EEA1: variants seen among roughly 807,000 people sequenced by gnomAD.
EEA1 encodes the protein early endosome antigen 1.
Under a neutral mutation model 209.2 loss-of-function variants are expected in EEA1, and 111 were observed. The ratio of observed to expected loss-of-function variants is 0.53; its 90% CI spans 0.45 to 0.62. The LOEUF (loss-of-function observed/expected upper bound fraction) is 0.62. Ranked by LOEUF, EEA1 falls within the 20% of genes least tolerant of loss-of-function variation. The pLI, the probability that EEA1 is intolerant of heterozygous loss-of-function variation, is 0.00. For missense variants in EEA1, 1,343 were observed against 1,530.8 expected (o/e 0.88, Z 2.05); for synonymous variants, 536 against 540.6 (o/e 0.99, Z 0.12).
intron 21 of EEA1, among the ~76,000 whole-genome samples, chr12:92,797,399 A>AT (rs1235999084): frequency 9.9e-5 from 15 of 152,004 alleles, no homozygotes; most frequent in Non-Finnish European, 2.1e-4. Context: ...ATTTTGTATT[A>AT]TTTTTTAATA....
chr12:92,816,323 T>C lies in EEA1; in HGVS notation c.1806A>G (p.Val602=). 2 of 1,614,046 alleles carry C rather than the reference T, an allele frequency of 1.2e-6. No homozygotes were observed. Residue 602 remains valine (V), a synonymous_variant, in exon 15 of 29, where the codon GTA becomes GTG. Coordinates refer to ENST00000322349, the MANE Select transcript of EEA1 (RefSeq NM_003566.4). Reference sequence around the variant, plus strand: ...CTCTAAGATGTGCCTTCTGCTCTTGTACCTGGTCATGCAAATTCTCCTGGG... The same window carrying C: ...CTCTAAGATGTGCCTTCTGCTCTTGCACCTGGTCATGCAAATTCTCCTGGG... ...KQAQENLHDQ[V]QEQKAHLRAA...
At chr12:92,912,796 T>C (rs1263553120) in intron 1 of EEA1, among the ~76,000 whole-genome samples, 2 of 152,228 alleles carry the variant, frequency 1.3e-5, no homozygotes, top group East Asian at 3.8e-4. Flanking sequence ...ACATGCAGTA[T>C]TTCACTTTGT....
Position 92,881,241 on chromosome 12 carries a change from GA to G in EEA1, c.117+10387del, listed in dbSNP as rs1014780546. Among the ~76,000 whole-genome samples the G allele has an allele frequency of 7.9e-5, 12 of 151,034 alleles. No homozygotes were observed. In the South Asian group the frequency reaches 1.9e-3, roughly 24 times the overall value. On this transcript the variant is annotated intron_variant, in intron 2 of 28. Coordinates refer to ENST00000322349, the MANE Select transcript of EEA1 (RefSeq NM_003566.4). ...CAACATGGCAAGACCCCATCTCTAT[GA>G]AAAAAAAAGAACAAAAATTATCAGG...
intron 1 of EEA1, among the ~76,000 whole-genome samples, chr12:92,904,431 T>TTG (rs1252397092): frequency 6.6e-6 from 1 of 152,180 alleles, no homozygotes; most frequent in Non-Finnish European, 1.5e-5. Flanking sequence ...TCTGAACAAA[T>TTG]GTTTGAGTTT....
At chr12:92,877,760 C>T (rs1878977527) in intron 2 of EEA1, among the ~76,000 whole-genome samples, 1 of 152,042 alleles carries the variant, frequency 6.6e-6, no homozygotes, top group Non-Finnish European at 1.5e-5. Context: ...ATCTTGGCCT[C>T]CCAAAGTGTT....
At chr12:92,851,592 A>G (rs1877633183) in intron 8 of EEA1, among the ~76,000 whole-genome samples, 1 of 152,128 alleles carries the variant, frequency 6.6e-6, no homozygotes, top group Non-Finnish European at 1.5e-5. Context: ...TTCTTTTTCT[A>G]TCCTACAAAA....
chr12:92,835,495 T>G (rs1470566882), intron 10 of EEA1: 4 of 237,226 alleles, frequency 1.7e-5, no homozygotes, highest in African/African-American at 1.1e-4. Flanking sequence ...CACTGCAAGC[T>G]CCACCTCCCG....
At chr12:92,807,477 G>T (rs1423540732) in intron 18 of EEA1, among the ~76,000 whole-genome samples, 1 of 152,164 alleles carries the variant, frequency 6.6e-6, no homozygotes, top group Non-Finnish European at 1.5e-5. Flanking sequence ...CTATAGGTTG[G>T]AAAGGAAGAA....
intron 20 of EEA1, among the ~76,000 whole-genome samples, chr12:92,800,943 T>C (rs1874881323): frequency 6.6e-6 from 1 of 152,218 alleles, no homozygotes; most frequent in African/African-American, 2.4e-5. Context: ...TCACATCAAA[T>C]ACTTGTCAGT....
chr12:92,903,966 AT>A (rs1287652690), intron 1 of EEA1, among the ~76,000 whole-genome samples: 144 of 143,938 alleles, frequency 1.0e-3, no homozygotes, highest in Admixed American at 9.1e-4. Flanking sequence ...AAGTTTTCTG[AT>A]TTTTTTTTTT....
chr12:92,837,348 C>T (rs1317415748), intron 10 of EEA1, among the ~76,000 whole-genome samples: 2 of 152,142 alleles, frequency 1.3e-5, no homozygotes, highest in African/African-American at 4.8e-5. Context: ...CCTGTGACTA[C>T]TGCACTATAC....
chr12:92,798,491 T>A (rs1874754859), intron 21 of EEA1, among the ~76,000 whole-genome samples: 1 of 152,078 alleles, frequency 6.6e-6, no homozygotes, highest in South Asian at 2.1e-4. Flanking sequence ...CCAGCTAATT[T>A]GTGTATTTTT....
intron 3 of EEA1, among the ~76,000 whole-genome samples, chr12:92,863,115 T>A (rs1380155492): frequency 6.6e-6 from 1 of 152,206 alleles, no homozygotes; most frequent in East Asian, 1.9e-4. Flanking sequence ...GAAAAAATTA[T>A]CACAATGGTA....
intron 2 of EEA1, among the ~76,000 whole-genome samples, chr12:92,881,190 G>A (rs906453680): frequency 6.6e-6 from 1 of 152,104 alleles, no homozygotes; most frequent in African/African-American, 2.4e-5. Flanking sequence ...GACTGTTTGA[G>A]CCCAGGAATT....
intron 3 of EEA1, chr12:92,859,244 C>A: frequency 1.2e-6 from 2 of 1,611,436 alleles, no homozygotes; most frequent in East Asian, 2.2e-5. Flanking sequence ...GACAGCTTCC[C>A]ATGGGAAGTG....
intron 1 of EEA1, among the ~76,000 whole-genome samples, chr12:92,910,401 G>A (rs1281587317): frequency 2.0e-5 from 3 of 151,786 alleles, no homozygotes; most frequent in South Asian, 2.1e-4. Context: ...CTCGGGAGGC[G>A]GAGGTTGCAG....
At chr12:92,886,727 G>A (rs530299374) in intron 2 of EEA1, among the ~76,000 whole-genome samples, 32 of 152,200 alleles carry the variant, frequency 2.1e-4, no homozygotes, top group African/African-American at 7.2e-4. Flanking sequence ...AGCCAGTCAC[G>A]GTGGCTCACG....
At chr12:92,877,694 G>A (rs1462893397) in intron 2 of EEA1, among the ~76,000 whole-genome samples, 1 of 151,954 alleles carries the variant, frequency 6.6e-6, no homozygotes, top group Non-Finnish European at 1.5e-5. Context: ...ACACCCTTTA[G>A]TAGAGATGGG....
At chr12:92,914,821 G>A (rs563610331) in intron 1 of EEA1, among the ~76,000 whole-genome samples, 11 of 152,080 alleles carry the variant, frequency 7.2e-5, no homozygotes, top group South Asian at 6.2e-4. Flanking sequence ...GCATCCCCAC[G>A]ACCAACTAAT....
Sources: allele counts gnomAD v4.1 joint callset (sites outside exome capture counted in the v4.1 genomes callset), GRCh38; gene constraint gnomAD v4.1.1; transcripts MANE v1.5; gene names NCBI Gene and HGNC (gene_info 2026-07-23, HGNC 2026-07-21).